Variants in TBC1D5 observed in about 807,000 individuals in gnomAD.
The protein encoded by TBC1D5 is TBC1 domain family member 5, also known as TBC1 domain family, member 5.
In TBC1D5, 75 loss-of-function variants were observed where a neutral mutation model predicts 100.3. The ratio of observed to expected loss-of-function variants is 0.75; its 90% CI spans 0.62 to 0.91. TBC1D5 has a LOEUF of 0.91. Among genes scored for constraint, TBC1D5 ranks in the 40% least tolerant of loss-of-function variants. TBC1D5 has a pLI of 0.00. For missense variants in TBC1D5, 910 were observed against 942.4 expected, an observed-to-expected ratio of 0.97 and a Z score of 0.45; for synonymous variants, 323 against 325.6, an observed-to-expected ratio of 0.99 and a Z score of 0.09.
intron 3 of TBC1D5, among the ~76,000 whole-genome samples, chr3:17,456,030 A>G (rs2095076888): frequency 6.6e-6 from 1 of 152,194 alleles, no homozygotes; most frequent in Admixed American, 6.5e-5. Flanking sequence ...CAAAGGTGCC[A>G]CTAACATACA....
chr3:17,437,622 T>TAGAG (rs58492511), intron 3 of TBC1D5, among the ~76,000 whole-genome samples: 44 of 115,434 alleles, frequency 3.8e-4, no homozygotes, highest in African/African-American at 1.0e-3. Context: ...GAGACAGAGG[T>TAGAG]AGAGAGAGAG....
chr3:17,199,360 G>A (rs1010284769), intron 18 of TBC1D5, among the ~76,000 whole-genome samples: 5 of 152,188 alleles, frequency 3.3e-5, no homozygotes, highest in Non-Finnish European at 5.9e-5. Flanking sequence ...CAGTTGTCTA[G>A]AGATGAATTT....
chr3:17,227,026 C>A (rs2074968468), intron 17 of TBC1D5, among the ~76,000 whole-genome samples: 1 of 152,084 alleles, frequency 6.6e-6, no homozygotes, highest in Non-Finnish European at 1.5e-5. Flanking sequence ...GAAGTATGAA[C>A]ATAACAGAAG....
intron 1 of TBC1D5, among the ~76,000 whole-genome samples, chr3:17,735,981 C>T (rs1327036912): frequency 6.6e-6 from 1 of 152,204 alleles, no homozygotes; most frequent in East Asian, 1.9e-4. Context: ...GGGTTTATAT[C>T]CCAATCATTG....
intron 1 of TBC1D5, among the ~76,000 whole-genome samples, chr3:17,651,567 C>A (rs1292167224): frequency 6.6e-6 from 1 of 152,040 alleles, no homozygotes; most frequent in Non-Finnish European, 1.5e-5. Flanking sequence ...AAAACTTCGT[C>A]GGGCATGCGC....
At chr3:17,708,012 T>C (rs930016994) in intron 1 of TBC1D5, among the ~76,000 whole-genome samples, 2 of 152,162 alleles carry the variant, frequency 1.3e-5, no homozygotes, top group Non-Finnish European at 2.9e-5. Context: ...CCATATTTGG[T>C]TCACTTTATG....
At chr3:17,272,967 C>T (rs2149715715) in intron 15 of TBC1D5, among the ~76,000 whole-genome samples, 1 of 152,196 alleles carries the variant, frequency 6.6e-6, no homozygotes, top group Admixed American at 6.5e-5. Context: ...CCCAACAGTC[C>T]TCACTATTTT....
At chr3:17,319,883 G>A (rs75466963) in intron 13 of TBC1D5, among the ~76,000 whole-genome samples, 13,512 of 151,626 alleles carry the variant, frequency 0.089, 1,365 homozygotes, top group African/African-American at 0.25. Context: ...AGAAAAAGAA[G>A]AAAAAAAGCA....
At chr3:17,173,665 G>T (rs1235768339) in intron 19 of TBC1D5, among the ~76,000 whole-genome samples, 4 of 152,004 alleles carry the variant, frequency 2.6e-5, no homozygotes, top group Admixed American at 6.5e-5. Flanking sequence ...TCCTCCCTTG[G>T]TACCTTAAAT....
chr3:17,353,554 C>A (rs2090883976), intron 13 of TBC1D5, among the ~76,000 whole-genome samples: 1 of 152,080 alleles, frequency 6.6e-6, no homozygotes, highest in Admixed American at 6.6e-5. Context: ...AAGCCATCAT[C>A]TATAAATATA....
At chr3:17,605,608 A>G (rs115583892) in intron 2 of TBC1D5, among the ~76,000 whole-genome samples, 3,102 of 152,262 alleles carry the variant, frequency 0.02, 93 homozygotes, top group African/African-American at 0.07. Flanking sequence ...TAGTAACCAG[A>G]AAATTTGATC....
At chr3:17,680,583 T>C (rs922659640) in intron 1 of TBC1D5, among the ~76,000 whole-genome samples, 1 of 151,338 alleles carries the variant, frequency 6.6e-6, no homozygotes, top group African/African-American at 2.5e-5. Context: ...CTCATTTAGA[T>C]AGCCAAACTA....
intron 16 of TBC1D5, among the ~76,000 whole-genome samples, chr3:17,255,815 G>T (rs1263666751): frequency 1.3e-5 from 2 of 152,196 alleles, no homozygotes; most frequent in Non-Finnish European, 2.9e-5. Flanking sequence ...GAGGTGGGCA[G>T]ATCACGAGGT....
intron 2 of TBC1D5, among the ~76,000 whole-genome samples, chr3:17,544,097 T>A (rs2096388421): frequency 1.3e-5 from 2 of 152,026 alleles, no homozygotes; most frequent in Non-Finnish European, 2.9e-5. Flanking sequence ...CTCAATCTCT[T>A]GACCTCCTGA....
At chr3:17,658,183 C>T (rs1425403328) in intron 1 of TBC1D5, among the ~76,000 whole-genome samples, 2 of 152,178 alleles carry the variant, frequency 1.3e-5, no homozygotes, top group Non-Finnish European at 2.9e-5. Context: ...GATGAAATCA[C>T]CTAACAACAC....
At chr3:17,738,908 C>G (rs1401694943) in intron 1 of TBC1D5, among the ~76,000 whole-genome samples, 1 of 152,024 alleles carries the variant, frequency 6.6e-6, no homozygotes, top group Non-Finnish European at 1.5e-5. Flanking sequence ...AAATGTTTAC[C>G]TAACATTTGT....
chr3:17,381,459 C>A (rs2092942093), intron 9 of TBC1D5, among the ~76,000 whole-genome samples: 1 of 151,986 alleles, frequency 6.6e-6, no homozygotes, highest in Non-Finnish European at 1.5e-5. Context: ...AGATAAGGTT[C>A]ACAATGAAAG....
chr3:17,408,623 T>A (rs960773744), intron 4 of TBC1D5, among the ~76,000 whole-genome samples: 14 of 152,174 alleles, frequency 9.2e-5, no homozygotes, highest in Admixed American at 3.9e-4. Flanking sequence ...GCCCAAGTCC[T>A]ATACTTTTAA....
intron 1 of TBC1D5, among the ~76,000 whole-genome samples, chr3:17,715,154 C>A (rs1293112450): frequency 2.0e-5 from 3 of 152,192 alleles, no homozygotes; most frequent in African/African-American, 7.2e-5. Flanking sequence ...TGTCATACTG[C>A]AAATCTGTCA....
Sources: gnomAD v4.1 joint callset for allele counts (sites outside exome capture counted in the v4.1 genomes callset) on GRCh38, gnomAD v4.1.1 for gene constraint, MANE v1.5 for transcripts, NCBI Gene and HGNC (gene_info 2026-07-23, HGNC 2026-07-21) for gene names.